Variants in LAMB1 observed in about 807,000 individuals in gnomAD.
The protein encoded by LAMB1 is laminin subunit beta-1.
In LAMB1, 121 loss-of-function variants were observed where a neutral mutation model predicts 222.3. The observed-to-expected ratio is 0.54, with a 90% CI of 0.47 to 0.63. LAMB1 has a LOEUF of 0.63. Among genes scored for constraint, LAMB1 ranks in the 30% least tolerant of loss-of-function variants. The probability of loss-of-function intolerance (pLI) is 0.00; values close to 1 mark genes in which losing one functional copy is unlikely to be tolerated. For missense variants in LAMB1, 2,172 were observed against 2,240.8 expected (o/e 0.97, Z 0.62); for synonymous variants, 794 against 807.2 (o/e 0.98, Z 0.28).
chr7:107,934,639 A>C (rs2032795321), intron 27 of LAMB1, among the ~76,000 whole-genome samples: 1 of 152,184 alleles, frequency 6.6e-6, no homozygotes, highest in Non-Finnish European at 1.5e-5. Flanking sequence ...TACTGGAACA[A>C]AGGAACATAA....
At chr7:107,939,137 A>G (rs1178712124) in intron 25 of LAMB1, among the ~76,000 whole-genome samples, 3 of 152,228 alleles carry the variant, frequency 2.0e-5, no homozygotes, top group Admixed American at 1.3e-4. Context: ...AGGGAAGCAC[A>G]GATGCCTCAT....
chr7:107,973,411 G>T (rs1562997835), intron 12 of LAMB1, among the ~76,000 whole-genome samples: 1 of 152,140 alleles, frequency 6.6e-6, no homozygotes. Flanking sequence ...TTATGGCAAG[G>T]ATTTGGCAGG....
intron 19 of LAMB1, 44 bp from the exon 20 acceptor site, chr7:107,959,524 C>T (rs2033449378): frequency 6.2e-7 from 1 of 1,609,494 alleles, no homozygotes; most frequent in South Asian, 1.1e-5. Context: ...GAAACTCATT[C>T]AATGGAAACA....
At chr7:107,957,542 C>G (rs2033404060) in intron 20 of LAMB1, among the ~76,000 whole-genome samples, 1 of 152,150 alleles carries the variant, frequency 6.6e-6, no homozygotes, top group South Asian at 2.1e-4. Context: ...GAGCAAAACT[C>G]CGTCTCAAAA....
Position 107,953,619 on chromosome 7 carries a change from C to T in LAMB1, c.2990G>A (p.Cys997Tyr), listed in dbSNP as rs747479087. The T allele has an allele frequency of 6.2e-7, 1 of 1,614,174 alleles. No individual in the cohort carries two copies. Among genetic ancestry groups the T allele is most frequent in the Admixed American group, 1.7e-5 (1 of 60,026 alleles). ...TTCCGTGTGGTACAGGCACTTGAGA[C>T]ACCTCCCAGTCTCCTTGTCACAGGC... ...PEACDKETGRCLKCLYHTEGE... is the reference protein window; with the variant it reads ...PEACDKETGRYLKCLYHTEGE... Residue 997 changes from cysteine to tyrosine, a missense_variant, in exon 22 of 34, where the codon TGT becomes TAT. Coordinates refer to ENST00000222399, the MANE Select transcript of LAMB1 (RefSeq NM_002291.3).
At chr7:107,933,252 C>T (rs899558709) in intron 27 of LAMB1, among the ~76,000 whole-genome samples, 92 of 152,104 alleles carry the variant, frequency 6.0e-4, no homozygotes, top group African/African-American at 2.1e-3. Flanking sequence ...TGTGGAAATT[C>T]TCATACTGAA....
chr7:107,963,141 G>T, intron 14 of LAMB1, 78 bp from the exon 15 acceptor site: 1 of 1,342,886 alleles, frequency 7.4e-7, no homozygotes, highest in Non-Finnish European at 1.0e-6. Context: ...GTAATCCGAA[G>T]TCACCCAAAG....
Position 107,951,284 on chromosome 7 carries a change from G to A in LAMB1, c.3333C>T (p.Gly1111=), listed in dbSNP as rs1269538676. The A allele has an allele frequency of 6.2e-7, 1 of 1,614,146 alleles. No homozygotes were observed. Among genetic ancestry groups the A allele is most frequent in the Middle Eastern group, 1.6e-4 (1 of 6,062 alleles). The stretch of plus-strand genomic sequence containing the variant: ...GTTCCTGGCACTCGCTGCAGGTGCG[G>A]CCTCCAAACCCAGGCATGCACTGGC... The part of the protein sequence containing the change: ...GQCQCMPGFG[G]RTCSECQELF... The change falls in exon 24 of 34, where the codon GGC becomes GGT. Residue 1111 remains glycine, a synonymous_variant. Coordinates refer to ENST00000222399, the MANE Select transcript of LAMB1 (RefSeq NM_002291.3).
chr7:107,942,827 T>C (rs1229725995), intron 24 of LAMB1: 1 of 152,212 alleles, frequency 6.6e-6, no homozygotes, highest in African/African-American at 2.4e-5. Flanking sequence ...GAAAAACGTG[T>C]TCCGGTTATA....
chr7:107,929,222 G>A lies in LAMB1; in HGVS notation c.4746-17C>T, dbSNP rs2032644401. 21 of 1,613,442 alleles carry A rather than the reference G, an allele frequency of 1.3e-5. No homozygotes were observed. In the East Asian group the frequency reaches 4.7e-4, roughly 36 times the overall value. ...GCACTTTTGCTGAGTAAAAAATAAT[G>A]AGACAGTATATTGTTGCTGAACATG... is the stretch of plus-strand genomic sequence containing the variant. On this transcript the variant is annotated splice_polypyrimidine_tract_variant and intron_variant, in intron 30 of 33. Coordinates refer to ENST00000222399, the MANE Select transcript of LAMB1 (RefSeq NM_002291.3).
intron 24 of LAMB1, among the ~76,000 whole-genome samples, chr7:107,941,101 C>T (rs1011519904): frequency 3.3e-5 from 5 of 152,238 alleles, no homozygotes; most frequent in African/African-American, 2.4e-5. Flanking sequence ...CATTCAGTCT[C>T]AGCGTCTCAC....
At chr7:108,001,820 G>A in intron 2 of LAMB1, 87 bp from the exon 3 acceptor site, 1 of 1,564,554 alleles carries the variant, frequency 6.4e-7, no homozygotes, top group Non-Finnish European at 8.7e-7. Flanking sequence ...CGGGGGAGTG[G>A]GTGCGGAGAG....
chr7:107,931,815 G>C, intron 28 of LAMB1: 2 of 469,006 alleles, frequency 4.3e-6, no homozygotes, highest in Non-Finnish European at 7.6e-6. Flanking sequence ...AAAAGTGTGT[G>C]TCACTTTAGA....
chr7:107,927,553 A>G (rs2032594803), intron 31 of LAMB1, among the ~76,000 whole-genome samples: 1 of 152,152 alleles, frequency 6.6e-6, no homozygotes. Context: ...CTTGGCCTTA[A>G]GTGATCCTCT....
At chr7:107,949,287 T>C (rs1266156601) in intron 24 of LAMB1, among the ~76,000 whole-genome samples, 1 of 152,252 alleles carries the variant, frequency 6.6e-6, no homozygotes, top group Non-Finnish European at 1.5e-5. Context: ...AATTCTCTGA[T>C]TGACTCTGAC....
At chr7:107,997,320 G>A (rs1422875532) in intron 4 of LAMB1, among the ~76,000 whole-genome samples, 1 of 152,146 alleles carries the variant, frequency 6.6e-6, no homozygotes, top group Non-Finnish European at 1.5e-5. Context: ...CTACTCAGGA[G>A]GCTGAGGCAG....
At chr7:107,965,240 A>C (rs1042914083) in intron 13 of LAMB1, among the ~76,000 whole-genome samples, 1 of 152,206 alleles carries the variant, frequency 6.6e-6, no homozygotes, top group African/African-American at 2.4e-5. Flanking sequence ...TTACTTCTGC[A>C]TCTTGTGTCT....
chr7:108,000,548 TA>T (rs936243544), intron 3 of LAMB1, among the ~76,000 whole-genome samples: 1 of 152,188 alleles, frequency 6.6e-6, no homozygotes, highest in African/African-American at 2.4e-5. Context: ...AGCCTTTATT[TA>T]AAAAAATTTT....
Position 107,998,494 on chromosome 7 carries a change from TACAA to T in LAMB1, c.214-6_214-3del, listed in dbSNP as rs762779521. 3.1e-5 allele frequency: 50 copies of T among 1,612,990 alleles called. No individual in the cohort carries two copies. Among genetic ancestry groups the T allele is most frequent in the Non-Finnish European group, 3.9e-5 (46 of 1,179,454 alleles). On this transcript the variant is annotated splice_polypyrimidine_tract_variant and splice_region_variant and intron_variant, in intron 3 of 33. Coordinates refer to ENST00000222399, the MANE Select transcript of LAMB1 (RefSeq NM_002291.3). ...GCATATGAAGCATTTTTTGTCCTCC[TACAA>T]ACAAAGTTGAGTTCATCAGTCTAGA...
Sources: allele counts gnomAD v4.1 joint callset (sites outside exome capture counted in the v4.1 genomes callset), GRCh38; gene constraint gnomAD v4.1.1; transcripts MANE v1.5; gene names NCBI Gene and HGNC (gene_info 2026-07-23, HGNC 2026-07-21).